Variants in STXBP5L observed in about 807,000 individuals in gnomAD.
The protein encoded by STXBP5L is syntaxin binding protein 5L.
Under a neutral mutation model 144.5 loss-of-function variants are expected in STXBP5L, and 65 were observed. The observed-to-expected ratio is 0.45, with a 90% CI of 0.37 to 0.55. The LOEUF (loss-of-function observed/expected upper bound fraction) is 0.55, where lower values mean the gene tolerates loss of function less well. Among genes scored for constraint, STXBP5L ranks in the 20% least tolerant of loss-of-function variants. The pLI, the probability that STXBP5L is intolerant of heterozygous loss-of-function variation, is 0.00. For synonymous variants in STXBP5L, 505 were observed against 469.6 expected (o/e 1.08, Z -0.97); for missense variants, 1,298 against 1,405.5 (o/e 0.92, Z 1.22).
In STXBP5L at chr3:121,372,358, G is replaced by A. The variant is rs2046057569; in HGVS notation, c.2177-6358G>A. 2.0e-5 allele frequency among the ~76,000 whole-genome samples: 3 copies of A among 152,238 alleles called. No homozygotes were observed. The Middle Eastern group carries it at 0.01, about 518-fold the overall frequency. On this transcript the variant is annotated intron_variant, in intron 20 of 26. Transcript: ENST00000471454. ...TCTTATGGGAGCAAGTTGAGCCTAG[G>A]GTGACGGGCATCACTGGTCTGCTCC...
rs948934409 is a variant in STXBP5L at position 121,263,308 on chromosome 3, A to C, written c.1958+4140A>C. Among the ~76,000 whole-genome samples the C allele has an allele frequency of 3.3e-5, 5 of 152,284 alleles. No individual in the cohort carries two copies. The South Asian group carries it at 1.0e-3, about 32-fold the overall frequency. The stretch of plus-strand genomic sequence containing the variant: ...AAAAGGACATTCACACAAAAACCCC[A>C]TCTGAAGGTCACCAACATCAAAGAC... On this transcript the variant is annotated intron_variant, in intron 18 of 26. Transcript: ENST00000471454.
intron 19 of STXBP5L, among the ~76,000 whole-genome samples, chr3:121,281,395 C>T (rs935927337): frequency 6.6e-6 from 1 of 151,968 alleles, no homozygotes; most frequent in South Asian, 2.1e-4. Flanking sequence ...TGTACATTCA[C>T]ATAACGTGAG....
At chr3:121,282,276 C>T in intron 19 of STXBP5L, 2 of 1,611,458 alleles carry the variant, frequency 1.2e-6, no homozygotes, top group Non-Finnish European at 1.7e-6. Flanking sequence ...ACAACTTTTG[C>T]ATGCGTGGCC....
intron 18 of STXBP5L, among the ~76,000 whole-genome samples, chr3:121,268,669 A>G (rs772121166): frequency 5.3e-5 from 8 of 152,242 alleles, no homozygotes; most frequent in Non-Finnish European, 8.8e-5. Flanking sequence ...GCATTTATAT[A>G]TAATAAAAAG....
At chr3:121,383,010 A>G (rs1182740926) in intron 22 of STXBP5L, among the ~76,000 whole-genome samples, 3 of 152,106 alleles carry the variant, frequency 2.0e-5, no homozygotes, top group Non-Finnish European at 2.9e-5. Context: ...GGCTAGGCAC[A>G]GTGGCTCATG....
chr3:121,267,331 ATGG>A (rs2050598347), intron 18 of STXBP5L, among the ~76,000 whole-genome samples: 1 of 152,212 alleles, frequency 6.6e-6, no homozygotes, highest in African/African-American at 2.4e-5. Flanking sequence ...TATTTAATAA[ATGG>A]TGTTGGGAAA....
Position 120,909,692 on chromosome 3 carries a change from T to A in STXBP5L, c.114T>A (p.His38Gln). 6.2e-7 allele frequency: 1 copy of A among 1,612,820 alleles called. No individual in the cohort carries two copies. Among genetic ancestry groups the A allele is most frequent in the Non-Finnish European group, 8.5e-7 (1 of 1,179,700 alleles). The change falls in exon 2 of 27, where the codon CAT becomes CAA. Residue 38 changes from histidine (H) to glutamine (Q), a missense_variant. Physicochemically the swap from His to Gln is conservative, Grantham distance 24 (BLOSUM62 0). Transcript: ENST00000471454. ...GTGGGGCTGGAAGTGGTTCCGTACA[T>A]CCGGCGGGGACTGCAGGGGTTCTCA... ...SGGGAGSGSVHPAGTAGVLRE... is the reference protein window; with the variant it reads ...SGGGAGSGSVQPAGTAGVLRE...
Position 121,057,501 on chromosome 3 carries a change from C to T in STXBP5L, c.470+11966C>T, listed in dbSNP as rs570884103. ...CCCTATGTTACCTTCCAGTCACTTA[C>T]CCCCAGGTATCCTAATTTCCAACTC... On this transcript the variant is annotated intron_variant, in intron 5 of 26. Coordinates refer to ENST00000471454, the MANE Select transcript of STXBP5L (RefSeq NM_001308330.2). Among the ~76,000 whole-genome samples the T allele has an allele frequency of 1.1e-4, 17 of 152,088 alleles. 1 individual carries two copies. The East Asian group carries it at 3.1e-3, about 28-fold the overall frequency.
chr3:121,187,600 T>TA (rs60294540), intron 9 of STXBP5L, among the ~76,000 whole-genome samples: 85,060 of 145,964 alleles, frequency 0.58, 24,719 homozygotes, highest in East Asian at 0.77. Context: ...CCATGAATGA[T>TA]AAAAAAAAAA....
intron 3 of STXBP5L, among the ~76,000 whole-genome samples, chr3:120,981,960 T>A (rs1941819934): frequency 6.6e-6 from 1 of 152,186 alleles, no homozygotes; most frequent in Non-Finnish European, 1.5e-5. Flanking sequence ...TAGATAGCCT[T>A]TGTGCAGTGG....
chr3:121,058,839 T>C (rs934387954), intron 5 of STXBP5L, among the ~76,000 whole-genome samples: 2 of 152,192 alleles, frequency 1.3e-5, no homozygotes, highest in Non-Finnish European at 2.9e-5. Context: ...TTCTTGTAAA[T>C]TTGTTTAAGT....
chr3:121,010,689 A>T (rs946176236), intron 3 of STXBP5L, among the ~76,000 whole-genome samples: 45 of 151,980 alleles, frequency 3.0e-4, no homozygotes, highest in African/African-American at 1.0e-3. Context: ...ACAGTCAATT[A>T]ATACCTATCT....
chr3:121,395,230 A>T (rs2046699189), intron 22 of STXBP5L, among the ~76,000 whole-genome samples: 1 of 152,230 alleles, frequency 6.6e-6, no homozygotes, highest in African/African-American at 2.4e-5. Flanking sequence ...GCAATTTTAC[A>T]TCTTTTTTCA....
chr3:121,093,033 G>T (rs1325455195), intron 5 of STXBP5L, among the ~76,000 whole-genome samples: 3 of 152,218 alleles, frequency 2.0e-5, no homozygotes, highest in Non-Finnish European at 4.4e-5. Flanking sequence ...AGATAATCAT[G>T]TGGTTTTTGC....
intron 5 of STXBP5L, among the ~76,000 whole-genome samples, chr3:121,074,675 C>T (rs1436103737): frequency 6.6e-6 from 1 of 152,118 alleles, no homozygotes; most frequent in Non-Finnish European, 1.5e-5. Context: ...ATAAATTTTG[C>T]ATCTCTCATA....
chr3:121,059,366 A>T (rs1020493924), intron 5 of STXBP5L, among the ~76,000 whole-genome samples: 7 of 151,958 alleles, frequency 4.6e-5, no homozygotes, highest in Non-Finnish European at 8.8e-5. Flanking sequence ...TGGTGTTTTC[A>T]TTACTGTAGC....
At chr3:121,074,897 T>A (rs1424323896) in intron 5 of STXBP5L, among the ~76,000 whole-genome samples, 2 of 152,212 alleles carry the variant, frequency 1.3e-5, no homozygotes, top group Admixed American at 1.3e-4. Flanking sequence ...TCTTGTAGAT[T>A]TGAAGTAAGG....
chr3:121,060,146 A>G (rs1233226297), intron 5 of STXBP5L, among the ~76,000 whole-genome samples: 2 of 152,194 alleles, frequency 1.3e-5, no homozygotes, highest in Non-Finnish European at 1.5e-5. Context: ...GATACGTTCC[A>G]TCAGTACCTA....
chr3:121,188,915 G>C (rs1015367157), intron 9 of STXBP5L, among the ~76,000 whole-genome samples: 3 of 152,276 alleles, frequency 2.0e-5, no homozygotes, highest in African/African-American at 4.8e-5. Flanking sequence ...GGGATGCCCT[G>C]CCTCACCACT....
Sources: gnomAD v4.1 joint callset for allele counts (sites outside exome capture counted in the v4.1 genomes callset) on GRCh38, gnomAD v4.1.1 for gene constraint, MANE v1.5 for transcripts, NCBI Gene and HGNC (gene_info 2026-07-23, HGNC 2026-07-21) for gene names.